The following LMTK3 variants were observed in gnomAD, a reference collection of about 807,000 sequenced individuals.
LMTK3 encodes the protein serine/threonine-protein kinase LMTK3.
Under a neutral mutation model 116.7 loss-of-function variants are expected in LMTK3, and 27 were observed. The ratio of observed to expected loss-of-function variants is 0.23; its 90% CI spans 0.17 to 0.32. The LOEUF is 0.32. Ranked by LOEUF, LMTK3 falls within the 10% of genes least tolerant of loss-of-function variation. LMTK3 has a pLI of 1.00. For synonymous variants in LMTK3, 965 were observed against 971.0 expected, an observed-to-expected ratio of 0.99 and a Z score of 0.11; for missense variants, 1,764 against 2,068.5, an observed-to-expected ratio of 0.85 and a Z score of 2.86.
chr19:48,501,616 T>G (rs1972469588), intron 7 of LMTK3, 54 bp from the exon 8 acceptor site: 1 of 1,524,596 alleles, frequency 6.6e-7, no homozygotes, highest in South Asian at 1.2e-5. Context: ...AGCCACGCCC[T>G]GACCCCGCCC....
intron 14 of LMTK3, among the ~76,000 whole-genome samples, chr19:48,486,699 G>A (rs537844046): frequency 5.3e-5 from 8 of 151,732 alleles, no homozygotes; most frequent in South Asian, 2.1e-4. Flanking sequence ...GACTACGCCC[G>A]GCTAATTTTT....
intron 5 of LMTK3, among the ~76,000 whole-genome samples, chr19:48,505,148 C>T (rs570584368): frequency 5.3e-4 from 59 of 110,548 alleles, no homozygotes; most frequent in Non-Finnish European, 8.1e-4. Flanking sequence ...GAGTCTTGCT[C>T]TGTCGCCCAG....
In LMTK3 at chr19:48,499,401, G is replaced by A. The variant is rs773522532; in HGVS notation, c.1668C>T (p.Asp556=). 1.1e-4 allele frequency: 165 copies of A among 1,449,530 alleles called. 1 individual carries two copies. Among genetic ancestry groups the A allele is most frequent in the Admixed American group, 3.1e-4 (11 of 35,038 alleles). 89.8% of individuals were successfully genotyped at this position (1,449,530 alleles called of 1,614,324 possible). A position where few individuals can be genotyped will look rare whatever the true frequency, so the allele number is the denominator to read the frequency against. Residue 556 remains aspartate, a synonymous_variant, in exon 11 of 15, where the codon GAC becomes GAT. Coordinates refer to ENST00000600059, the MANE Select transcript of LMTK3 (RefSeq NM_001388485.1). ...GCACTCCTGGGTCCAGGGGGTCCCA[G>A]TCGTTGGGGAAGAGGGGCTCAGGAG... The part of the protein sequence containing the change: ...GSPPEPLFPN[D]WDPLDPGVPA...
Position 48,497,395 on chromosome 19 carries a change from T to C in LMTK3, c.3674A>G (p.Lys1225Arg). 6.6e-7 allele frequency: 1 copy of C among 1,512,202 alleles called. No homozygotes were observed. The allele number at this position is 1,512,202 out of a possible 1,614,324, so 93.7% of individuals were successfully genotyped here. A position where few individuals can be genotyped will look rare whatever the true frequency, so the allele number is the denominator to read the frequency against. ...ACTGTGCCCCGCAGCCTCCTCACCT[T>C]TGATCTGCTCGCTGTTCCCCTGAGG... is the stretch of plus-strand genomic sequence containing the variant. ...GPPQGNSEQIKARLSRLSLAL... is the reference protein window; with the variant it reads ...GPPQGNSEQIRARLSRLSLAL... The change falls in exon 11 of 15, where the codon AAA (lysine) becomes AGA (arginine). Residue 1225 changes from lysine to arginine, a missense_variant and splice_region_variant. Around this residue, in one of 7 missense-constraint regions of LMTK3, gnomAD observed 39 missense variants for 75.4 expected, o/e 0.52. Coordinates refer to ENST00000600059, the MANE Select transcript of LMTK3 (RefSeq NM_001388485.1). The surrounding 1 kb of genome is among the most constrained non-coding windows in gnomAD (Gnocchi z 5.7).
chr19:48,491,421 C>A lies in LMTK3; in HGVS notation c.4211G>T (p.Ser1404Ile). Residue 1404 changes from serine to isoleucine, a missense_variant, in exon 13 of 15, where the codon AGC becomes ATC. Coordinates refer to ENST00000600059, the MANE Select transcript of LMTK3 (RefSeq NM_001388485.1). This position sits in a 1 kb window ranked among gnomAD's most constrained non-coding sequence, Gnocchi z 5.1. ...GTCCTCACCAAAGCCGCTGTCGTTGCTGGGAAACCCATCTCCGGGGGTGGC... is the reference window on the plus strand; with the variant it reads ...GTCCTCACCAAAGCCGCTGTCGTTGATGGGAAACCCATCTCCGGGGGTGGC... Reference protein sequence around the residue: ...HPATPGDGFPSNDSGFGGSFE... With the variant: ...HPATPGDGFPINDSGFGGSFE... 1 of 1,401,596 alleles carries A rather than the reference C, an allele frequency of 7.1e-7. No individual in the cohort carries two copies. Among genetic ancestry groups the A allele is most frequent in the Non-Finnish European group, 9.3e-7 (1 of 1,076,346 alleles). The allele number at this position is 1,401,596 out of a possible 1,614,324, so 86.8% of individuals were successfully genotyped here.
Position 48,493,799 on chromosome 19 carries a change from C to T in LMTK3, c.3987G>A (p.Leu1329=). The part of the protein sequence containing the change: ...DADAARPLRG[L]LKSPRGADEP... ...CGTCGGCCCCGCGCGGAGACTTGAGCAGCCCCCGCAGCGGGCGGGCCGCGT... is the reference window on the plus strand; with the variant it reads ...CGTCGGCCCCGCGCGGAGACTTGAGTAGCCCCCGCAGCGGGCGGGCCGCGT... The change falls in exon 12 of 15, where the codon CTG becomes CTA. Residue 1329 remains leucine (L), a synonymous_variant. Transcript: ENST00000600059. The T allele has an allele frequency of 6.6e-7, 1 of 1,510,592 alleles. No homozygotes were observed. The allele number at this position is 1,510,592 out of a possible 1,614,324, so 93.6% of individuals were successfully genotyped here.
At chr19:48,509,390 C>G (rs962671561) in intron 4 of LMTK3, 47 bp downstream of exon 4, 1 of 1,513,450 alleles carries the variant, frequency 6.6e-7, no homozygotes, top group Non-Finnish European at 9.0e-7. Flanking sequence ...AACAGGAGGA[C>G]AGCTCGGGAT....
In LMTK3 at chr19:48,491,278, C is replaced by A. The variant is rs1972217461; in HGVS notation, c.4229-33G>T. On this transcript the variant is annotated intron_variant, in intron 13 of 14. Transcript: ENST00000600059. The surrounding 1 kb of genome is among the most constrained non-coding windows in gnomAD (Gnocchi z 5.1). ...AGAAGGAAAGACCGCGGTCAGGCTG[C>A]AGACACCTGCGGCACTCCCGCCCTC... 2 of 1,377,110 alleles carry A rather than the reference C, an allele frequency of 1.5e-6. No individual in the cohort carries two copies. Among genetic ancestry groups the A allele is most frequent in the South Asian group, 1.7e-5 (1 of 58,940 alleles). 85.3% of individuals were successfully genotyped at this position (1,377,110 alleles called of 1,614,324 possible). A position where few individuals can be genotyped will look rare whatever the true frequency, so the allele number is the denominator to read the frequency against.
chr19:48,508,236 G>A (rs1321466068), intron 5 of LMTK3, among the ~76,000 whole-genome samples: 1 of 151,994 alleles, frequency 6.6e-6, no homozygotes, highest in Non-Finnish European at 1.5e-5. Context: ...TTTGGAGTGA[G>A]GGAGTGCCAA....
intron 11 of LMTK3, among the ~76,000 whole-genome samples, chr19:48,495,483 A>G (rs1412277850): frequency 6.6e-6 from 1 of 152,094 alleles, no homozygotes; most frequent in Admixed American, 6.6e-5. Context: ...TCCTAATCCA[A>G]CCCAGATCCT....
Position 48,511,749 on chromosome 19 carries a change from C to T in LMTK3, c.-173G>A. The T allele has an allele frequency of 2.4e-6, 1 of 414,360 alleles. No homozygotes were observed. The highest frequency in any genetic ancestry group is 6.9e-5 in the South Asian group (1 of 14,480). 25.7% of individuals were successfully genotyped at this position (414,360 alleles called of 1,614,324 possible). A position where few individuals can be genotyped will look rare whatever the true frequency, so the allele number is the denominator to read the frequency against. ...GGGGCTGCTTGCTGGCTCAGGTACC[C>T]CCCTCCCCCTCTTTGAAGGGACAGA... On this transcript the variant is annotated 5_prime_UTR_variant, in exon 1 of 15. Transcript: ENST00000600059.
rs777897485 is a variant in LMTK3 at position 48,510,178 on chromosome 19, G to C, written c.211-5C>G. On this transcript the variant is annotated splice_polypyrimidine_tract_variant and splice_region_variant and intron_variant, in intron 2 of 14. Coordinates refer to ENST00000600059, the MANE Select transcript of LMTK3 (RefSeq NM_001388485.1). ...CCCTTCAGGGTTCTCAAATTCCTGG[G>C]GCCAGGAGAGGAGAAGAGGGGTGGG... The C allele has an allele frequency of 6.2e-6, 10 of 1,609,082 alleles. No individual in the cohort carries two copies. The highest frequency in any genetic ancestry group is 8.5e-6 in the Non-Finnish European group (10 of 1,176,022).
Position 48,497,619 on chromosome 19 carries a change from C to T in LMTK3, c.3450G>A (p.Leu1150=), listed in dbSNP as rs1343647269. 2 of 1,302,940 alleles carry T rather than the reference C, an allele frequency of 1.5e-6. No homozygotes were observed. Among genetic ancestry groups the T allele is most frequent in the African/African-American group, 1.5e-5 (1 of 64,954 alleles). The allele number at this position is 1,302,940 out of a possible 1,614,324, so 80.7% of individuals were successfully genotyped here. ...TCGGCTGTGCCTCCGGTGGCGGTGG[C>T]AGCGGTGGCGGCGGTGGCTGCGGCC... ...NTRPQPPPPP[L]PPPPEAQPRR... The change falls in exon 11 of 15, where the codon CTG becomes CTA. Residue 1150 remains leucine, a synonymous_variant. Transcript: ENST00000600059. This position sits in a 1 kb window ranked among gnomAD's most constrained non-coding sequence, Gnocchi z 5.7.
chr19:48,504,838 G>A (rs538595861), intron 5 of LMTK3, among the ~76,000 whole-genome samples: 13 of 151,426 alleles, frequency 8.6e-5, no homozygotes, highest in Admixed American at 6.6e-4. Context: ...ATGAGCCACC[G>A]TGCCCAGGCT....
At chr19:48,512,578 GAC>G (rs1972679748), upstream of LMTK3, among the ~76,000 whole-genome samples, 3 of 151,994 alleles carry the variant, frequency 2.0e-5, no homozygotes, top group Admixed American at 2.0e-4. Flanking sequence ...GACACACGCA[GAC>G]ACACACATCA....
At position 48,501,479 on chromosome 19, in the gene LMTK3, T is replaced by C. The variant is rs558062151; in HGVS notation, c.878A>G (p.Lys293Arg). 5 of 1,612,546 alleles carry C rather than the reference T, an allele frequency of 3.1e-6. No homozygotes were observed. The African/African-American group carries it at 4.0e-5, about 13-fold the overall frequency. The change falls in exon 8 of 15, where the codon AAG becomes AGG. Residue 293 changes from lysine (K) to arginine (R), a missense_variant and splice_region_variant. Transcript: ENST00000600059. ...GDYGLAHSNY[K>R]EDYYLTPERL... is the part of the protein sequence containing the mutation. ...CATCCCGACGGAAGGAAGCCCTACCTTGTAGTTGCTGTGGGCCAGCCCGTA... is the reference window on the plus strand; with the variant it reads ...CATCCCGACGGAAGGAAGCCCTACCCTGTAGTTGCTGTGGGCCAGCCCGTA...
chr19:48,509,926 C>T, intron 3 of LMTK3, 97 bp downstream of exon 3: 1 of 1,400,866 alleles, frequency 7.1e-7, no homozygotes, highest in African/African-American at 1.4e-5. Flanking sequence ...TTGGCTGCCG[C>T]TGGTCTCAAC....
upstream of LMTK3, chr19:48,513,215 TTTAA>T: frequency 6.6e-7 from 1 of 1,510,822 alleles, no homozygotes; most frequent in Admixed American, 1.8e-5. This position sits in a 1 kb window ranked among gnomAD's most constrained non-coding sequence, Gnocchi z 5.6. Context: ...TCATAGTTTA[TTTAA>T]TGTATTTATT....
In LMTK3 at chr19:48,499,203, C is replaced by T. The variant is rs914573054; in HGVS notation, c.1866G>A (p.Ala622=). 76 of 1,431,224 alleles carry T rather than the reference C, an allele frequency of 5.3e-5. No homozygotes were observed. In the African/African-American group the frequency reaches 7.1e-4, roughly 13 times the overall value. The allele number at this position is 1,431,224 out of a possible 1,614,324, so 88.7% of individuals were successfully genotyped here. ...PEGRGAGETL[A]GDPAEVLGER... Reference sequence around the variant, plus strand: ...CCCCCAAGACCTCGGCAGGGTCTCCCGCCAGGGTCTCCCCGGCGCCCCGGC... The same window carrying T: ...CCCCCAAGACCTCGGCAGGGTCTCCTGCCAGGGTCTCCCCGGCGCCCCGGC... Residue 622 remains alanine (A), a synonymous_variant, in exon 11 of 15, where the codon GCG becomes GCA. Transcript: ENST00000600059.
Sources: gnomAD v4.1 joint callset for allele counts (sites outside exome capture counted in the v4.1 genomes callset) on GRCh38, gnomAD v4.1.1 for gene constraint, gnomAD v4.1.1 regional missense constraint, Gnocchi (gnomAD v3.1) non-coding constraint, MANE v1.5 for transcripts, NCBI Gene and HGNC (gene_info 2026-07-23, HGNC 2026-07-21) for gene names.